ADCK2: variants seen among roughly 807,000 people sequenced by gnomAD.
ADCK2 encodes the protein aarF domain containing kinase 2, also known as uncharacterized aarF domain-containing protein kinase 2.
A neutral mutation model predicts 52.3 loss-of-function variants in ADCK2; 37 were observed. The observed-to-expected ratio is 0.71, with a 90% CI of 0.54 to 0.93. The LOEUF (loss-of-function observed/expected upper bound fraction) is 0.93, where lower values mean the gene tolerates loss of function less well. ADCK2 is among the 40% of genes least tolerant of loss of function. The pLI, the probability that ADCK2 is intolerant of heterozygous loss-of-function variation, is 0.00. For missense variants in ADCK2, 695 were observed against 798.7 expected (o/e 0.87, Z 1.56); for synonymous variants, 321 against 349.2 (o/e 0.92, Z 0.90).
At position 140,689,674 on chromosome 7, in the gene ADCK2, G is replaced by T; in HGVS notation, c.1635G>T (p.Glu545Asp). 1 of 1,613,838 alleles carries T rather than the reference G, an allele frequency of 6.2e-7. No homozygotes were observed. Among genetic ancestry groups the T allele is most frequent in the Non-Finnish European group, 8.5e-7 (1 of 1,179,824 alleles). Residue 545 changes from glutamate to aspartate, a missense_variant, in exon 6 of 8, where the codon GAG becomes GAT. Transcript: ENST00000072869. ...GGGACGTGGAGGGGTTCAAAACCGA[G>T]ATGGCCATGCTGGTGACCCAGGCCA... ...ECRDVEGFKTEMAMLVTQARK... is the reference protein window; with the variant it reads ...ECRDVEGFKTDMAMLVTQARK...
rs1794776164 is a variant in ADCK2 at position 140,695,012 on chromosome 7, C to CT, written c.*210dup. ...TAGGGAGTAAAAGGAGGGAAGGGGC[C>CT]TATCCATTCCATTGTGGAAGCTGGG... On this transcript the variant is annotated 3_prime_UTR_variant, in exon 8 of 8. Transcript: ENST00000072869. The CT allele has an allele frequency of 2.3e-6, 3 of 1,291,848 alleles. No homozygotes were observed. The highest frequency in any genetic ancestry group is 3.8e-5 in the Admixed American group (1 of 26,518). 80.0% of individuals were successfully genotyped at this position (1,291,848 alleles called of 1,614,324 possible). A position where few individuals can be genotyped will look rare whatever the true frequency, so the allele number is the denominator to read the frequency against.
chr7:140,695,069 AATGTT>A lies in ADCK2; in HGVS notation c.*271_*275del. On this transcript the variant is annotated 3_prime_UTR_variant, in exon 8 of 8. Coordinates refer to ENST00000072869, the MANE Select transcript of ADCK2 (RefSeq NM_052853.4). ...GCCAGGGACACTCTCCTTCAGGGAA[AATGTT>A]ATGTGGAGGAGGACGAATAAATTTA... 2 of 1,213,178 alleles carry A rather than the reference AATGTT, an allele frequency of 1.6e-6. No individual in the cohort carries two copies. The highest frequency in any genetic ancestry group is 2.0e-6 in the Non-Finnish European group (2 of 975,646). 75.2% of individuals were successfully genotyped at this position (1,213,178 alleles called of 1,614,324 possible).
At chr7:140,676,335 T>G (rs1039528918) in intron 2 of ADCK2, among the ~76,000 whole-genome samples, 13 of 152,160 alleles carry the variant, frequency 8.5e-5, no homozygotes, top group African/African-American at 2.9e-4. Context: ...ACCATCACCT[T>G]AGGGCTTAGC....
Position 140,693,376 on chromosome 7 carries a change from G to A in ADCK2, c.1741-1287G>A, listed in dbSNP as rs4727040. Among the ~76,000 whole-genome samples, 15,711 of 152,138 alleles carry A rather than the reference G, an allele frequency of 0.1. 872 individuals are homozygous for A. The highest frequency in any genetic ancestry group is 0.19 in the South Asian group (917 of 4,822). On this transcript the variant is annotated intron_variant, in intron 7 of 7. Coordinates refer to ENST00000072869, the MANE Select transcript of ADCK2 (RefSeq NM_052853.4). The surrounding 1 kb of genome is among the most constrained non-coding windows in gnomAD (Gnocchi z 4.0). ...GCTGCTTCTGGATCCACCTGACCCC[G>A]ACAACCTTCCAGCCCTTAACGGAGA...
chr7:140,695,022 C>T lies in ADCK2; in HGVS notation c.*219C>T. 1 of 1,271,814 alleles carries T rather than the reference C, an allele frequency of 7.9e-7. No homozygotes were observed. Among genetic ancestry groups the T allele is most frequent in the Non-Finnish European group, 9.9e-7 (1 of 1,010,770 alleles). The allele number at this position is 1,271,814 out of a possible 1,614,324, so 78.8% of individuals were successfully genotyped here. A position where few individuals can be genotyped will look rare whatever the true frequency, so the allele number is the denominator to read the frequency against. On this transcript the variant is annotated 3_prime_UTR_variant, in exon 8 of 8. Transcript: ENST00000072869. The stretch of plus-strand genomic sequence containing the variant: ...AAGGAGGGAAGGGGCCTATCCATTC[C>T]ATTGTGGAAGCTGGGCCAGGTGCCA...
Position 140,673,365 on chromosome 7 carries a change from G to A in ADCK2, c.35G>A (p.Cys12Tyr), listed in dbSNP as rs756163990. The A allele has an allele frequency of 1.3e-6, 2 of 1,497,486 alleles. No individual in the cohort carries two copies. The highest frequency in any genetic ancestry group is 1.8e-6 in the Non-Finnish European group (2 of 1,122,914). 92.8% of individuals were successfully genotyped at this position (1,497,486 alleles called of 1,614,324 possible). Residue 12 changes from cysteine to tyrosine, a missense_variant, in exon 1 of 8, where the codon TGC (cysteine) becomes TAC (tyrosine). Transcript: ENST00000072869. This position sits in a 1 kb window ranked among gnomAD's most constrained non-coding sequence, Gnocchi z 6.4. The stretch of plus-strand genomic sequence containing the variant: ...CCCTGGCGCGTCTCCGTCAGGGTTT[G>A]CCTGTCGCACCTGAGGTGCTTCGAG... ...VAPWRVSVRV[C>Y]LSHLRCFELR... is the part of the protein sequence containing the mutation.
rs1489318388 is a variant in ADCK2, at chr7:140,673,569, C to T, written c.239C>T (p.Pro80Leu). 3 of 1,601,692 alleles carry T rather than the reference C, an allele frequency of 1.9e-6. No individual in the cohort carries two copies. The highest frequency in any genetic ancestry group is 3.4e-5 in the Admixed American group (2 of 59,512). The change falls in exon 1 of 8, where the codon CCC becomes CTC. Residue 80 changes from proline to leucine, a missense_variant. Pro to Leu is a moderately conservative substitution (Grantham distance 98). Transcript: ENST00000072869. The surrounding 1 kb of genome is among the most constrained non-coding windows in gnomAD (Gnocchi z 6.4). ...TGCAGCGGGGCGGCTGGCGCGGGGC[C>T]CGCGGAGAGCCTCCCCCGAGCGGGA... ...VRCSGAAGAGPAESLPRAGPL... is the reference protein window; with the variant it reads ...VRCSGAAGAGLAESLPRAGPL...
At chr7:140,684,383 C>T (rs1174149250) in intron 4 of ADCK2, among the ~76,000 whole-genome samples, 1 of 152,100 alleles carries the variant, frequency 6.6e-6, no homozygotes, top group Non-Finnish European at 1.5e-5. Flanking sequence ...CCTTCGTTGG[C>T]AGTAATCGTG....
intron 6 of ADCK2, 144 bp from the exon 7 acceptor site, chr7:140,690,616 T>TGGTC (rs1794687787): frequency 1.6e-6 from 1 of 640,552 alleles, no homozygotes; most frequent in Admixed American, 2.7e-5. Flanking sequence ...GTTTGTCAGA[T>TGGTC]GGTCCCTTTT....
Position 140,689,693 on chromosome 7 carries a change from C to G in ADCK2, c.1654C>G (p.Gln552Glu), listed in dbSNP as rs200911610. ...AACCGAGATGGCCATGCTGGTGACCCAGGCCAGGAAGAACACCATCACCCT... is the reference window on the plus strand; with the variant it reads ...AACCGAGATGGCCATGCTGGTGACCGAGGCCAGGAAGAACACCATCACCCT... ...FKTEMAMLVT[Q>E]ARKNTITLEK... Residue 552 changes from glutamine (Q) to glutamate (E), a missense_variant, in exon 6 of 8, where the codon CAG becomes GAG. Coordinates refer to ENST00000072869, the MANE Select transcript of ADCK2 (RefSeq NM_052853.4). 3.3e-5 allele frequency: 54 copies of G among 1,613,572 alleles called. 1 individual carries two copies. In the East Asian group the frequency reaches 1.2e-3, roughly 36 times the overall value.
chr7:140,684,523 A>G (rs1310015327), intron 4 of ADCK2, among the ~76,000 whole-genome samples: 1 of 152,134 alleles, frequency 6.6e-6, no homozygotes, highest in Non-Finnish European at 1.5e-5. Flanking sequence ...GTCGAGGCGG[A>G]TAGGGAAGAA....
In ADCK2 at chr7:140,694,659, C is replaced by T. The variant is rs201427179; in HGVS notation, c.1741-4C>T. On this transcript the variant is annotated splice_polypyrimidine_tract_variant and splice_region_variant and intron_variant, in intron 7 of 7. Coordinates refer to ENST00000072869, the MANE Select transcript of ADCK2 (RefSeq NM_052853.4). ...AGATGAACTGTTCTGTTTTTCTGTT[C>T]CAGGTAAAGCTTGAGAGCAACTTTG... is the stretch of plus-strand genomic sequence containing the variant. 1,847 of 1,612,842 alleles carry T rather than the reference C, an allele frequency of 1.1e-3. 12 individuals are homozygous for T. The highest frequency in any genetic ancestry group is 1.4e-3 in the Non-Finnish European group (1,613 of 1,179,366).
chr7:140,674,131 C>T lies in ADCK2; in HGVS notation c.801C>T (p.Leu267=). 6.2e-7 allele frequency: 1 copy of T among 1,614,098 alleles called. No homozygotes were observed. The highest frequency in any genetic ancestry group is 1.6e-4 in the Middle Eastern group (1 of 6,062). The change falls in exon 1 of 8, where the codon CTC becomes CTT. Residue 267 remains leucine, a synonymous_variant. Transcript: ENST00000072869. This position sits in a 1 kb window ranked among gnomAD's most constrained non-coding sequence, Gnocchi z 4.6. ...ATGGCCGGAAACCTCCAGAAAATCT[C>T]GCAGACCAGTCGTTTCTAGAAAGGC... The part of the protein sequence containing the change: ...LGNGRKPPEN[L]ADQSFLERLL...
Position 140,673,555 on chromosome 7 carries a change from G to T in ADCK2, c.225G>T (p.Ala75=). ...GGCGAAGGGTCCGCTGCAGCGGGGCGGCTGGCGCGGGGCCCGCGGAGAGCC... is the reference window on the plus strand; with the variant it reads ...GGCGAAGGGTCCGCTGCAGCGGGGCTGCTGGCGCGGGGCCCGCGGAGAGCC... ...LSRRRVRCSG[A]AGAGPAESLP... Residue 75 remains alanine (A), a synonymous_variant, in exon 1 of 8, where the codon GCG becomes GCT. Coordinates refer to ENST00000072869, the MANE Select transcript of ADCK2 (RefSeq NM_052853.4). The surrounding 1 kb of genome is among the most constrained non-coding windows in gnomAD (Gnocchi z 6.4). 6.2e-7 allele frequency: 1 copy of T among 1,600,774 alleles called. No homozygotes were observed. The highest frequency in any genetic ancestry group is 8.5e-7 in the Non-Finnish European group (1 of 1,177,286).
Position 140,687,194 on chromosome 7 carries a change from GA to G in ADCK2, c.1511del (p.Asp504AlafsTer2). The G allele has an allele frequency of 6.3e-7, 1 of 1,588,874 alleles. No individual in the cohort carries two copies. Among genetic ancestry groups the G allele is most frequent in the Non-Finnish European group, 8.6e-7 (1 of 1,166,436 alleles). ...CATTGTGGCGGAGCTGCAGGCCCCT[GA>G]CCTGAGGAATTTCCGGGCAGTTTTC... ...AGIVAELQAP[D>X]LRNFRAVFMA... On this transcript the variant is annotated frameshift_variant, in exon 5 of 8. Coordinates refer to ENST00000072869, the MANE Select transcript of ADCK2 (RefSeq NM_052853.4). LOFTEE classifies it high-confidence loss of function.
rs1794371090 is a variant in ADCK2 at position 140,674,949 on chromosome 7, T to A, written c.1080+192T>A. On this transcript the variant is annotated intron_variant, in intron 2 of 7. Coordinates refer to ENST00000072869, the MANE Select transcript of ADCK2 (RefSeq NM_052853.4). The surrounding 1 kb of genome is among the most constrained non-coding windows in gnomAD (Gnocchi z 4.6). Reference sequence around the variant, plus strand: ...ATGCAACAAATTAATTTTTTGCTTATATCAAAGTTCTGGCCGGGCGTGGTG... The same window carrying A: ...ATGCAACAAATTAATTTTTTGCTTAAATCAAAGTTCTGGCCGGGCGTGGTG... Among the ~76,000 whole-genome samples, 1 of 152,182 alleles carries A rather than the reference T, an allele frequency of 6.6e-6. No individual in the cohort carries two copies. Among genetic ancestry groups the A allele is most frequent in the Non-Finnish European group, 1.5e-5 (1 of 68,030 alleles).
At chr7:140,683,805 C>A (rs1794559513) in intron 4 of ADCK2, among the ~76,000 whole-genome samples, 2 of 152,128 alleles carry the variant, frequency 1.3e-5, no homozygotes, top group Non-Finnish European at 2.9e-5. Flanking sequence ...GAGCTTACCA[C>A]CCCAGAGTGC....
In ADCK2 at chr7:140,678,838, G is replaced by A. The variant is rs1200654999; in HGVS notation, c.1081-317G>A. On this transcript the variant is annotated intron_variant, in intron 2 of 7. Transcript: ENST00000072869. This position sits in a 1 kb window ranked among gnomAD's most constrained non-coding sequence, Gnocchi z 4.9. Reference sequence around the variant, plus strand: ...CTGGCCTGGAGAAGCCAGACCCCAGGGAGACGGGGAAGGGACTCATGGGCT... The same window carrying A: ...CTGGCCTGGAGAAGCCAGACCCCAGAGAGACGGGGAAGGGACTCATGGGCT... 2.6e-5 allele frequency among the ~76,000 whole-genome samples: 4 copies of A among 152,308 alleles called. No homozygotes were observed. The East Asian group carries it at 7.7e-4, about 29-fold the overall frequency.
At chr7:140,688,162 G>A (rs1045607069) in intron 5 of ADCK2, among the ~76,000 whole-genome samples, 3 of 151,582 alleles carry the variant, frequency 2.0e-5, no homozygotes, top group Non-Finnish European at 2.9e-5. Flanking sequence ...CTCCTGCCAC[G>A]CCTCCTGAGT....
Sources: gnomAD v4.1 joint callset for allele counts (sites outside exome capture counted in the v4.1 genomes callset) on GRCh38, gnomAD v4.1.1 for gene constraint, Gnocchi (gnomAD v3.1) non-coding constraint, MANE v1.5 for transcripts, NCBI Gene and HGNC (gene_info 2026-07-23, HGNC 2026-07-21) for gene names.